TM9SF1: variants seen among roughly 807,000 people sequenced by gnomAD.
TM9SF1 encodes the protein transmembrane 9 superfamily member 1.
Under a neutral mutation model 52.4 loss-of-function variants are expected in TM9SF1, and 25 were observed. The observed-to-expected ratio is 0.48, with a 90% confidence interval of 0.35 to 0.67. The LOEUF (loss-of-function observed/expected upper bound fraction) is 0.67, where lower values mean the gene tolerates loss of function less well. TM9SF1 is among the 30% of genes least tolerant of loss of function. The pLI is 0.01. For synonymous variants in TM9SF1, 284 were observed against 299.8 expected (o/e 0.95, Z 0.55); for missense variants, 604 against 780.3 (o/e 0.77, Z 2.69).
rs778048768 is a variant in TM9SF1, at chr14:24,189,446, C to T, written c.1790G>A (p.Arg597Gln). 23 of 1,613,778 alleles carry T rather than the reference C, an allele frequency of 1.4e-5. No homozygotes were observed. The highest frequency in any genetic ancestry group is 1.3e-4 in the South Asian group (12 of 91,042). ...CATCTTGAGGTTAACATAGATATAC[C>T]GGATGAACTTTAGGGAAGAAAAAAA... ...ISFFSSLKFI[R>Q]YIYVNLKMD is the part of the protein sequence containing the mutation. Residue 597 changes from arginine (R) to glutamine (Q), a missense_variant, in exon 6 of 6, where the codon CGG becomes CAG. This residue lies in a region of TM9SF1 where 107 missense variants were observed against 180.5 expected (regional missense o/e 0.59). Coordinates refer to ENST00000261789, the MANE Select transcript of TM9SF1 (RefSeq NM_006405.7).
rs1398780510 is a variant in TM9SF1, at chr14:24,192,561, G to A, written c.967+87C>T. 4.1e-6 allele frequency: 6 copies of A among 1,480,664 alleles called. No individual in the cohort carries two copies. The East Asian group carries it at 9.1e-5, about 22-fold the overall frequency. The allele number at this position is 1,480,664 out of a possible 1,614,324, so 91.7% of individuals were successfully genotyped here. A position where few individuals can be genotyped will look rare whatever the true frequency, so the allele number is the denominator to read the frequency against. ...CTTAGGTCTGCCCCTCTGGATAGAA[G>A]AGAAGATCCACAGACCTTTTCTGAA... On this transcript the variant is annotated intron_variant, in intron 3 of 5. Coordinates refer to ENST00000261789, the MANE Select transcript of TM9SF1 (RefSeq NM_006405.7). This position sits in a 1 kb window ranked among gnomAD's most constrained non-coding sequence, Gnocchi z 4.0.
At position 24,192,271 on chromosome 14, in the gene TM9SF1, C is replaced by G. The variant is rs1378886075; in HGVS notation, c.1053G>C (p.Leu351=). ...INSAAILLYA[L]TCCISGYVSS... is the part of the protein sequence containing the mutation. ...ACACGTAGCCAGAGATGCAGCAGGT[C>G]AGGGCATACAACAAGATGGCTGCTG... is the stretch of plus-strand genomic sequence containing the variant. The change falls in exon 4 of 6, where the codon CTG becomes CTC. Residue 351 remains leucine, a synonymous_variant. Transcript: ENST00000261789. The surrounding 1 kb of genome is among the most constrained non-coding windows in gnomAD (Gnocchi z 4.0). The G allele has an allele frequency of 2.5e-6, 4 of 1,614,076 alleles. No individual in the cohort carries two copies. In the African/African-American group the frequency reaches 4.0e-5, roughly 16 times the overall value.
chr14:24,191,010 C>T (rs28636804), intron 4 of TM9SF1, among the ~76,000 whole-genome samples: 3,935 of 151,946 alleles, frequency 0.026, 141 homozygotes, highest in African/African-American at 0.081. Context: ...GGACTACAGG[C>T]GCCCGCCACC....
Position 24,192,134 on chromosome 14 carries a change from G to A in TM9SF1, c.1153+37C>T, listed in dbSNP as rs2039330267. On this transcript the variant is annotated intron_variant, in intron 4 of 5. Coordinates refer to ENST00000261789, the MANE Select transcript of TM9SF1 (RefSeq NM_006405.7). The surrounding 1 kb of genome is among the most constrained non-coding windows in gnomAD (Gnocchi z 4.0). ...GCCACAATGTGTTCTTCATTCCTAA[G>A]TCCAGAAAGGCCCACCAGGGAAAGG... The A allele has an allele frequency of 6.2e-7, 1 of 1,602,526 alleles. No individual in the cohort carries two copies. The highest frequency in any genetic ancestry group is 8.5e-7 in the Non-Finnish European group (1 of 1,169,626).
chr14:24,191,984 T>C, intron 4 of TM9SF1, 187 bp downstream of exon 4: 1 of 594,826 alleles, frequency 1.7e-6, no homozygotes. Flanking sequence ...GCCCGGCTAA[T>C]TTTTTGTTAT....
intron 2 of TM9SF1, 103 bp from the exon 3 acceptor site, chr14:24,193,372 A>C: frequency 7.4e-7 from 1 of 1,347,398 alleles, no homozygotes; most frequent in Non-Finnish European, 1.0e-6. Flanking sequence ...GGGGTGGATA[A>C]TTCTTTTTTT....
In TM9SF1 at chr14:24,192,331, G is replaced by A; in HGVS notation, c.993C>T (p.Gly331=). The A allele has an allele frequency of 6.2e-7, 1 of 1,613,920 alleles. No individual in the cohort carries two copies. The highest frequency in any genetic ancestry group is 8.5e-7 in the Non-Finnish European group (1 of 1,179,980). ...CCCCATGACGGTGCACATTGAACAT[G>A]CCCAGCAGTGCCATGACAATAATGC... ...GTGIIVMALL[G]MFNVHRHGAI... is the part of the protein sequence containing the mutation. The change falls in exon 4 of 6, where the codon GGC becomes GGT. Residue 331 remains glycine, a synonymous_variant. Transcript: ENST00000261789. The surrounding 1 kb of genome is among the most constrained non-coding windows in gnomAD (Gnocchi z 4.0).
chr14:24,195,248 G>T (rs912038071), intron 1 of TM9SF1, 98 bp downstream of exon 1: 8 of 559,186 alleles, frequency 1.4e-5, no homozygotes, highest in South Asian at 4.5e-5. Context: ...AGCCCGTCTG[G>T]CCCGGGGCCT....
At chr14:24,195,321 C>T (rs906182932) in intron 1 of TM9SF1, 25 bp downstream of exon 1, 23 of 351,034 alleles carry the variant, frequency 6.6e-5, no homozygotes, top group African/African-American at 4.6e-4. Context: ...CGGGTCCCTT[C>T]CCGCCACAGC....
chr14:24,189,937 C>T, intron 5 of TM9SF1, 129 bp from the exon 6 acceptor site: 4 of 1,419,764 alleles, frequency 2.8e-6, no homozygotes, highest in Non-Finnish European at 2.8e-6. Context: ...TCACTCCACT[C>T]TCTGCCCCAG....
At position 24,192,657 on chromosome 14, in the gene TM9SF1, G is replaced by A. The variant is rs771866179; in HGVS notation, c.958C>T (p.Leu320Phe). Reference protein sequence around the residue: ...VLGVGAQFLALGTGIIVMALL... With the variant: ...VLGVGAQFLAFGTGIIVMALL... ...ATTTTTATCACCTCACCAGTGCCAAGGGCCAGGAACTGGGCACCCACGCCA... is the reference window on the plus strand; with the variant it reads ...ATTTTTATCACCTCACCAGTGCCAAAGGCCAGGAACTGGGCACCCACGCCA... Residue 320 changes from leucine (L) to phenylalanine (F), a missense_variant, in exon 3 of 6, where the codon CTT becomes TTT. Coordinates refer to ENST00000261789, the MANE Select transcript of TM9SF1 (RefSeq NM_006405.7). This position sits in a 1 kb window ranked among gnomAD's most constrained non-coding sequence, Gnocchi z 4.0. 3.2e-6 allele frequency: 5 copies of A among 1,564,376 alleles called. No individual in the cohort carries two copies. The highest frequency in any genetic ancestry group is 1.4e-5 in the African/African-American group (1 of 73,198).
chr14:24,190,726 G>A, intron 4 of TM9SF1, 73 bp from the exon 5 acceptor site: 7 of 1,380,798 alleles, frequency 5.1e-6, no homozygotes, highest in South Asian at 1.4e-5. Context: ...CTTACATCCA[G>A]GACCAAAAGG....
Position 24,195,338 on chromosome 14 carries a change from G to A in TM9SF1, c.-18+8C>T. 3.4e-6 allele frequency: 1 copy of A among 295,666 alleles called. No individual in the cohort carries two copies. Among genetic ancestry groups the A allele is most frequent in the South Asian group, 5.9e-5 (1 of 17,054 alleles). The allele number at this position is 295,666 out of a possible 1,614,324, so 18.3% of individuals were successfully genotyped here. On this transcript the variant is annotated splice_region_variant and intron_variant, in intron 1 of 5. Coordinates refer to ENST00000261789, the MANE Select transcript of TM9SF1 (RefSeq NM_006405.7). ...GGTCCCTTCCCGCCACAGCCCCGGGGTCCTCACCGCGCGGGAAGGGCTGGC... is the reference window on the plus strand; with the variant it reads ...GGTCCCTTCCCGCCACAGCCCCGGGATCCTCACCGCGCGGGAAGGGCTGGC...
chr14:24,192,507 C>A lies in TM9SF1; in HGVS notation c.967+141G>T. The A allele has an allele frequency of 1.5e-6, 2 of 1,364,308 alleles. No homozygotes were observed. Among genetic ancestry groups the A allele is most frequent in the Non-Finnish European group, 2.0e-6 (2 of 1,000,130 alleles). 84.5% of individuals were successfully genotyped at this position (1,364,308 alleles called of 1,614,324 possible). ...TATCCAGAAAATCTACAATAGAATA[C>A]GTGCATTCTTGCTAGAGCCACCCTA... On this transcript the variant is annotated intron_variant, in intron 3 of 5. Transcript: ENST00000261789. This position sits in a 1 kb window ranked among gnomAD's most constrained non-coding sequence, Gnocchi z 4.0.
At position 24,193,022 on chromosome 14, in the gene TM9SF1, A is replaced by G; in HGVS notation, c.593T>C (p.Leu198Pro). ...SLDGLRPDEF[L>P]GLTHTYSVRW... ...CACGCTATAAGTGTGGGTAAGGCCT[A>G]GGAACTCGTCAGGTCGTAACCCATC... Residue 198 changes from leucine (L) to proline (P), a missense_variant, in exon 3 of 6, where the codon CTA becomes CCA. Coordinates refer to ENST00000261789, the MANE Select transcript of TM9SF1 (RefSeq NM_006405.7). 1 of 1,614,224 alleles carries G rather than the reference A, an allele frequency of 6.2e-7. No homozygotes were observed. The highest frequency in any genetic ancestry group is 8.5e-7 in the Non-Finnish European group (1 of 1,180,042).
At chr14:24,193,992 C>T (rs1284140777) in intron 2 of TM9SF1, among the ~76,000 whole-genome samples, 1 of 151,734 alleles carries the variant, frequency 6.6e-6, no homozygotes, top group East Asian at 1.9e-4. Context: ...AATTCTTTGT[C>T]ATAGTGGGGT....
At position 24,193,117 on chromosome 14, in the gene TM9SF1, G is replaced by A; in HGVS notation, c.498C>T (p.His166=). The A allele has an allele frequency of 6.2e-7, 1 of 1,614,190 alleles. No individual in the cohort carries two copies. The highest frequency in any genetic ancestry group is 8.5e-7 in the Non-Finnish European group (1 of 1,180,036). ...KIGLWTHLDF[H]LEFHGDRIIF... ...TAATTCGGTCTCCATGGAATTCTAG[G>A]TGGAAGTCCAAATGGGTCCAGAGTC... Residue 166 remains histidine (H), a synonymous_variant, in exon 3 of 6, where the codon CAC becomes CAT. Coordinates refer to ENST00000261789, the MANE Select transcript of TM9SF1 (RefSeq NM_006405.7).
rs776853353 is a variant in TM9SF1 at position 24,192,975 on chromosome 14, C to G, written c.640G>C (p.Glu214Gln). Residue 214 changes from glutamate (E) to glutamine (Q), a missense_variant, in exon 3 of 6, where the codon GAG (glutamate) becomes CAG (glutamine). Physicochemically the swap from Glu to Gln is conservative, Grantham distance 29 (BLOSUM62 2). This residue lies in a region of TM9SF1 where 450 missense variants were observed against 560.1 expected (regional missense o/e 0.80). Transcript: ENST00000261789. This position sits in a 1 kb window ranked among gnomAD's most constrained non-coding sequence, Gnocchi z 4.0. ...CCACGGCGCCTGTCACTCCGACGCTCCACTGAAGTCTCAGACCAGCGCACG... is the reference window on the plus strand; with the variant it reads ...CCACGGCGCCTGTCACTCCGACGCTGCACTGAAGTCTCAGACCAGCGCACG... The part of the protein sequence containing the change: ...YSVRWSETSV[E>Q]RRSDRRRGDD... 8 of 1,614,004 alleles carry G rather than the reference C, an allele frequency of 5.0e-6. No homozygotes were observed.
At position 24,193,102 on chromosome 14, in the gene TM9SF1, T is replaced by C; in HGVS notation, c.513A>G (p.Gly171=). Residue 171 remains glycine, a synonymous_variant, in exon 3 of 6, where the codon GGA becomes GGG. Coordinates refer to ENST00000261789, the MANE Select transcript of TM9SF1 (RefSeq NM_006405.7). The part of the protein sequence containing the change: ...THLDFHLEFH[G]DRIIFANVSV... ...AAACATTGGCAAATATAATTCGGTC[T>C]CCATGGAATTCTAGGTGGAAGTCCA... The C allele has an allele frequency of 6.2e-7, 1 of 1,614,142 alleles. No individual in the cohort carries two copies. The highest frequency in any genetic ancestry group is 8.5e-7 in the Non-Finnish European group (1 of 1,180,016).
Sources: allele counts gnomAD v4.1 joint callset (sites outside exome capture counted in the v4.1 genomes callset), GRCh38; gene constraint gnomAD v4.1.1; regional missense constraint gnomAD v4.1.1; non-coding constraint Gnocchi (gnomAD v3.1); transcripts MANE v1.5; gene names NCBI Gene and HGNC (gene_info 2026-07-23, HGNC 2026-07-21).